TNIP3: variants seen among roughly 807,000 people sequenced by gnomAD.
TNIP3 encodes the protein TNFAIP3-interacting protein 3.
In TNIP3, 34 loss-of-function variants were observed where a neutral mutation model predicts 54.1. The observed-to-expected ratio is 0.63, with a 90% CI of 0.48 to 0.84. The LOEUF is 0.84. Among genes scored for constraint, TNIP3 ranks in the 40% least tolerant of loss-of-function variants. The probability of loss-of-function intolerance (pLI) is 0.00; values close to 1 mark genes in which losing one functional copy is unlikely to be tolerated. For missense variants in TNIP3, 366 were observed against 387.6 expected, an observed-to-expected ratio of 0.94 and a Z score of 0.47; for synonymous variants, 134 against 136.8, an observed-to-expected ratio of 0.98 and a Z score of 0.14.
chr4:121,199,210 A>G (rs1725752935), intron 2 of TNIP3, among the ~76,000 whole-genome samples: 2 of 152,230 alleles, frequency 1.3e-5, no homozygotes, highest in Non-Finnish European at 2.9e-5. Flanking sequence ...AACCTGGGAC[A>G]CACTCATGGA....
chr4:121,164,156 CA>C lies in TNIP3; in HGVS notation c.-32del, dbSNP rs1158337836. 1.2e-6 allele frequency: 2 copies of C among 1,612,842 alleles called. No homozygotes were observed. The highest frequency in any genetic ancestry group is 4.5e-5 in the East Asian group (2 of 44,856). On this transcript the variant is annotated 5_prime_UTR_variant, in exon 1 of 11. Coordinates refer to ENST00000057513, the MANE Select transcript of TNIP3 (RefSeq NM_024873.6). ...CTGTTTTTCCTGGAGTCTTGGAAAG[CA>C]GAAAGAAAAACAGGGGAAAAGTCTC...
intron 2 of TNIP3, among the ~76,000 whole-genome samples, chr4:121,187,166 C>T (rs969824240): frequency 6.6e-6 from 1 of 152,106 alleles, no homozygotes; most frequent in Non-Finnish European, 1.5e-5. Context: ...GCTCTTAATA[C>T]AATACTATGA....
chr4:121,211,347 C>A (rs1264766490), intron 2 of TNIP3, among the ~76,000 whole-genome samples: 1 of 152,130 alleles, frequency 6.6e-6, no homozygotes, highest in Non-Finnish European at 1.5e-5. Flanking sequence ...TCAATGTAAC[C>A]TGCCTACTCT....
At chr4:121,156,308 C>T (rs1450411527) in intron 4 of TNIP3, among the ~76,000 whole-genome samples, 1 of 152,132 alleles carries the variant, frequency 6.6e-6, no homozygotes, top group Non-Finnish European at 1.5e-5. Flanking sequence ...TAACGAGGGG[C>T]CATTAGAGTT....
chr4:121,151,687 C>T (rs970934126), intron 5 of TNIP3, among the ~76,000 whole-genome samples: 7 of 151,892 alleles, frequency 4.6e-5, no homozygotes, highest in Non-Finnish European at 1.0e-4. Context: ...GTTCCTTATC[C>T]TACACCTGGG....
intron 2 of TNIP3, among the ~76,000 whole-genome samples, chr4:121,193,335 G>C (rs1034011732): frequency 2.6e-5 from 4 of 152,052 alleles, no homozygotes; most frequent in African/African-American, 9.7e-5. Flanking sequence ...AATTAGGCAG[G>C]ATTCAAAAAA....
At chr4:121,216,132 A>G (rs1340962052) in intron 2 of TNIP3, among the ~76,000 whole-genome samples, 1 of 152,256 alleles carries the variant, frequency 6.6e-6, no homozygotes, top group East Asian at 1.9e-4. Context: ...TTACAGAAAA[A>G]CCATCCACCA....
chr4:121,158,610 G>T, intron 3 of TNIP3, 77 bp downstream of exon 3: 1 of 1,173,406 alleles, frequency 8.5e-7, no homozygotes, highest in Non-Finnish European at 1.3e-6. Context: ...TAGCTGAAAT[G>T]AATGAGACTC....
At chr4:121,194,892 G>T (rs1725491680) in intron 2 of TNIP3, among the ~76,000 whole-genome samples, 1 of 152,146 alleles carries the variant, frequency 6.6e-6, no homozygotes, top group African/African-American at 2.4e-5. Context: ...TCTCAGCAGG[G>T]TAGAGTGGCT....
intron 10 of TNIP3, among the ~76,000 whole-genome samples, chr4:121,134,204 G>T (rs1467571946): frequency 6.6e-6 from 1 of 152,080 alleles, no homozygotes. Context: ...TGCCTTTCTA[G>T]ATACATTAAT....
chr4:121,147,550 T>C (rs994264532), intron 6 of TNIP3, among the ~76,000 whole-genome samples: 1 of 152,236 alleles, frequency 6.6e-6, no homozygotes, highest in African/African-American at 2.4e-5. Context: ...TTATTTTGGA[T>C]GTATCTCATA....
chr4:121,209,904 AT>A (rs1184362836), intron 2 of TNIP3, among the ~76,000 whole-genome samples: 1 of 152,138 alleles, frequency 6.6e-6, no homozygotes, highest in East Asian at 1.9e-4. Flanking sequence ...TTGGTGGCAC[AT>A]TTTTCTAGTA....
intron 2 of TNIP3, among the ~76,000 whole-genome samples, chr4:121,195,219 G>A (rs948707860): frequency 1.3e-5 from 2 of 151,962 alleles, no homozygotes; most frequent in South Asian, 2.1e-4. Flanking sequence ...TTTTAAAAAC[G>A]TCTTTGAGTA....
At chr4:121,198,626 GCCTCTAAACAAACTTATAGT>G (rs1241777237) in intron 2 of TNIP3, among the ~76,000 whole-genome samples, 2 of 152,074 alleles carry the variant, frequency 1.3e-5, no homozygotes, top group Non-Finnish European at 2.9e-5. Flanking sequence ...GCATTATTTT[GCCTCTAAACAAACTTATAGT>G]GAATTTACCC....
chr4:121,211,689 T>G (rs1245612540), intron 2 of TNIP3, among the ~76,000 whole-genome samples: 2 of 152,210 alleles, frequency 1.3e-5, no homozygotes. Flanking sequence ...TGCTTCAAAT[T>G]TAAGCCACAG....
intron 7 of TNIP3, among the ~76,000 whole-genome samples, chr4:121,144,066 GTAT>G (rs1191926139): frequency 1.3e-5 from 2 of 152,192 alleles, no homozygotes; most frequent in Non-Finnish European, 2.9e-5. Context: ...AGCACCACAA[GTAT>G]TGATTTGGGG....
At chr4:121,143,198 A>G (rs1729223968) in intron 7 of TNIP3, among the ~76,000 whole-genome samples, 1 of 152,214 alleles carries the variant, frequency 6.6e-6, no homozygotes, top group Admixed American at 6.5e-5. Flanking sequence ...CAATCCCTCT[A>G]TGTGATACTT....
chr4:121,158,822 T>C, intron 2 of TNIP3, 70 bp from the exon 3 acceptor site: 2 of 1,275,874 alleles, frequency 1.6e-6, no homozygotes, highest in Non-Finnish European at 2.2e-6. Context: ...CAAAAAGAAA[T>C]TACTTTCTGA....
At chr4:121,177,506 A>G (rs1724432276) in intron 3 of TNIP3, among the ~76,000 whole-genome samples, 1 of 152,210 alleles carries the variant, frequency 6.6e-6, no homozygotes, top group South Asian at 2.1e-4. Flanking sequence ...ACAAAAAGGG[A>G]ACTTGACATA....
Sources: allele counts gnomAD v4.1 joint callset (sites outside exome capture counted in the v4.1 genomes callset), GRCh38; gene constraint gnomAD v4.1.1; transcripts MANE v1.5; gene names NCBI Gene and HGNC (gene_info 2026-07-23, HGNC 2026-07-21).